Variants in NFIB observed in about 807,000 individuals in gnomAD.
NFIB encodes the protein nuclear factor I B, also known as nuclear factor 1 B-type.
Under a neutral mutation model 61.5 loss-of-function variants are expected in NFIB, and 11 were observed. The observed-to-expected ratio is 0.18, with a 90% CI of 0.11 to 0.30. The LOEUF is 0.30. Ranked by LOEUF, NFIB falls within the 10% of genes least tolerant of loss-of-function variation. The probability of loss-of-function intolerance (pLI) is 1.00; values close to 1 mark genes in which losing one functional copy is unlikely to be tolerated. For synonymous variants in NFIB, 260 were observed against 216.5 expected, an observed-to-expected ratio of 1.20 and a Z score of -1.76; for missense variants, 471 against 608.9, an observed-to-expected ratio of 0.77 and a Z score of 2.38.
the NFIB span, among the ~76,000 whole-genome samples, chr9:14,414,397 T>C: frequency 5.9e-5 from 8 of 136,354 alleles, no homozygotes; most frequent in South Asian, 1.3e-3. Context: ...ATTGCACCAC[T>C]GCACTCCAGC....
At chr9:14,274,673 T>G (rs1351247045) in intron 2 of NFIB, among the ~76,000 whole-genome samples, 1 of 152,198 alleles carries the variant, frequency 6.6e-6, no homozygotes, top group African/African-American at 2.4e-5. Flanking sequence ...CCAGCATTCC[T>G]GGGATCACAT....
the NFIB span, among the ~76,000 whole-genome samples, chr9:14,470,276 T>C: frequency 6.6e-6 from 1 of 152,140 alleles, no homozygotes; most frequent in Non-Finnish European, 1.5e-5. Flanking sequence ...GTCTGCTCCA[T>C]TTTCTCCTCT....
At chr9:14,427,956 T>TTTG in the NFIB span, among the ~76,000 whole-genome samples, 28 of 115,862 alleles carry the variant, frequency 2.4e-4, no homozygotes, top group African/African-American at 8.1e-4. Context: ...TTTTTTTTTT[T>TTTG]TTTTTTTTGG....
intron 2 of NFIB, among the ~76,000 whole-genome samples, chr9:14,188,193 A>C (rs566939701): frequency 6.6e-6 from 1 of 152,332 alleles, no homozygotes; most frequent in South Asian, 2.1e-4. Flanking sequence ...TGGTAATTAA[A>C]TCAAGATTGC....
the NFIB span, among the ~76,000 whole-genome samples, chr9:14,502,129 G>C: frequency 6.6e-6 from 1 of 152,206 alleles, no homozygotes; most frequent in African/African-American, 2.4e-5. Flanking sequence ...TTTTAGAAAG[G>C]ACGTATGATG....
the NFIB span, among the ~76,000 whole-genome samples, chr9:14,439,691 C>T: frequency 1.3e-5 from 2 of 152,220 alleles, no homozygotes; most frequent in East Asian, 3.9e-4. Context: ...GAGAAGTGGT[C>T]AGGGCCAAGG....
chr9:14,248,123 G>A (rs1587908419), intron 2 of NFIB, among the ~76,000 whole-genome samples: 1 of 151,134 alleles, frequency 6.6e-6, no homozygotes, highest in South Asian at 2.1e-4. Context: ...TTGTAGAGAT[G>A]GGGTCTCCCT....
chr9:14,194,590 T>C (rs2048286144), intron 2 of NFIB, among the ~76,000 whole-genome samples: 1 of 152,322 alleles, frequency 6.6e-6, no homozygotes, highest in East Asian at 1.9e-4. Context: ...AAATAAAAAT[T>C]ATCCCAGTTC....
At chr9:14,179,807 T>C (rs762849861) in intron 2 of NFIB, 27 bp from the exon 3 acceptor site, 6 of 1,609,878 alleles carry the variant, frequency 3.7e-6, no homozygotes, top group Non-Finnish European at 5.1e-6. Context: ...GAAAATGTTT[T>C]CTTTTTAATT....
At chr9:14,251,912 T>C (rs2055673311) in intron 2 of NFIB, among the ~76,000 whole-genome samples, 1 of 152,208 alleles carries the variant, frequency 6.6e-6, no homozygotes, top group Admixed American at 6.5e-5. Flanking sequence ...ACTCGAGGTT[T>C]AGTAGGCAAG....
rs189336321 is a variant in NFIB at position 14,364,273 on chromosome 9, C to G, written c.108+34251G>C. On this transcript the variant is annotated intron_variant, in intron 1 of 8. Transcript: ENST00000380934. ...TGAGTTAGGAGTTAACAGGTTCAGC[C>G]TGTGGAGTTTTTTTGGCTTTGTGAA... Among the ~76,000 whole-genome samples the G allele has an allele frequency of 2.0e-5, 3 of 152,224 alleles. No individual in the cohort carries two copies. The East Asian group carries it at 5.8e-4, about 29-fold the overall frequency.
chr9:14,237,526 T>C (rs1480171808), intron 2 of NFIB, among the ~76,000 whole-genome samples: 3 of 152,178 alleles, frequency 2.0e-5, no homozygotes, highest in Admixed American at 1.3e-4. Flanking sequence ...TGGTGTCTGA[T>C]CTTTTCACTG....
chr9:14,094,325 C>G (rs2118641924), intron 10 of NFIB: 1 of 152,198 alleles, frequency 6.6e-6, no homozygotes, highest in South Asian at 2.1e-4. Context: ...CAAAATTCAG[C>G]ACAAATAACT....
chr9:14,452,977 T>C, the NFIB span, among the ~76,000 whole-genome samples: 1 of 152,204 alleles, frequency 6.6e-6, no homozygotes, highest in Non-Finnish European at 1.5e-5. Context: ...GTATTTGGAA[T>C]GTGATTTGTC....
At chr9:14,089,926 TCACAA>T (rs2033598076) in intron 10 of NFIB, among the ~76,000 whole-genome samples, 1 of 152,170 alleles carries the variant, frequency 6.6e-6, no homozygotes, top group African/African-American at 2.4e-5. Flanking sequence ...CAAAACAATA[TCACAA>T]CGACCATTTG....
At chr9:14,388,761 AAAT>A (rs1285057556) in intron 1 of NFIB, among the ~76,000 whole-genome samples, 1 of 152,176 alleles carries the variant, frequency 6.6e-6, no homozygotes, top group Admixed American at 6.5e-5. Flanking sequence ...ATTTCTTAAA[AAAT>A]AAAAATAAAA....
the NFIB span, among the ~76,000 whole-genome samples, chr9:14,458,526 G>A: frequency 6.6e-6 from 1 of 152,188 alleles, no homozygotes; most frequent in Non-Finnish European, 1.5e-5. Context: ...GGGCAATCAT[G>A]CAGGAGAAGG....
Position 14,200,554 on chromosome 9 carries a change from G to C in NFIB, c.563-20774C>G, listed in dbSNP as rs183005700. On this transcript the variant is annotated intron_variant, in intron 2 of 10. Coordinates refer to ENST00000380953, the MANE Select transcript of NFIB (RefSeq NM_001190737.2). ...TTTAAAACACGACTTGACTTTCCCAGACTCTACTTAGTTGACTTTTCACAC... is the reference window on the plus strand; with the variant it reads ...TTTAAAACACGACTTGACTTTCCCACACTCTACTTAGTTGACTTTTCACAC... 7.8e-4 allele frequency among the ~76,000 whole-genome samples: 119 copies of C among 152,170 alleles called. 1 individual carries two copies. The highest frequency in any genetic ancestry group is 2.7e-3 in the African/African-American group (110 of 41,508).
chr9:14,517,310 C>G, the NFIB span, among the ~76,000 whole-genome samples: 1 of 152,212 alleles, frequency 6.6e-6, no homozygotes, highest in Non-Finnish European at 1.5e-5. Context: ...TCTCTCCTGA[C>G]TTGCAGGGAT....
Sources: allele counts gnomAD v4.1 joint callset (sites outside exome capture counted in the v4.1 genomes callset), GRCh38; gene constraint gnomAD v4.1.1; transcripts MANE v1.5; gene names NCBI Gene and HGNC (gene_info 2026-07-23, HGNC 2026-07-21).